The following MYO7B variants were observed in gnomAD, a reference collection of about 807,000 sequenced individuals.
MYO7B encodes unconventional myosin-VIIb.
Under a neutral mutation model 259.7 loss-of-function variants are expected in MYO7B, and 212 were observed. The ratio of observed to expected loss-of-function variants is 0.82; its 90% CI spans 0.73 to 0.91. The LOEUF is 0.91. MYO7B is among the 40% of genes least tolerant of loss of function. The probability of loss-of-function intolerance (pLI) is 0.00; values close to 1 mark genes in which losing one functional copy is unlikely to be tolerated. For synonymous variants in MYO7B, 1,197 were observed against 1,166.4 expected (o/e 1.03, Z -0.54); for missense variants, 2,732 against 2,813.5 (o/e 0.97, Z 0.66).
chr2:127,608,934 C>T, intron 22 of MYO7B, 56 bp downstream of exon 22: 2 of 1,560,294 alleles, frequency 1.3e-6, no homozygotes, highest in South Asian at 1.2e-5. Flanking sequence ...GAAGCCTGCC[C>T]AGTCCGTGAA....
In MYO7B at chr2:127,621,990, G is replaced by T; in HGVS notation, c.3534G>T (p.Leu1178=). 6.4e-7 allele frequency: 1 copy of T among 1,551,760 alleles called. No homozygotes were observed. Among genetic ancestry groups the T allele is most frequent in the South Asian group, 1.2e-5 (1 of 84,042 alleles). ...CCCTCCTCACCCACCAGTATCTACT[G>T]AACTTCATCGGCCAAGGGCCGGCGA... ...PPSERFMKYL[L]NFIGQGPATY... The change falls in exon 28 of 48, where the codon CTG becomes CTT. Residue 1178 remains leucine (L), a synonymous_variant. Transcript: ENST00000409816.
intron 1 of MYO7B, among the ~76,000 whole-genome samples, chr2:127,542,901 A>T (rs1002518582): frequency 2.0e-5 from 3 of 152,234 alleles, no homozygotes; most frequent in African/African-American, 7.2e-5. Context: ...TTTAATGTGC[A>T]CATACACAAA....
At chr2:127,538,024 A>T (rs2104779849) in intron 1 of MYO7B, among the ~76,000 whole-genome samples, 1 of 152,168 alleles carries the variant, frequency 6.6e-6, no homozygotes, top group Admixed American at 6.5e-5. Flanking sequence ...AGGAAAAGTG[A>T]CCCATGTACA....
Position 127,588,513 on chromosome 2 carries a change from T to C in MYO7B, c.1812T>C (p.His604=), listed in dbSNP as rs1679391516. 3 of 1,613,232 alleles carry C rather than the reference T, an allele frequency of 1.9e-6. No individual in the cohort carries two copies. Among genetic ancestry groups the C allele is most frequent in the East Asian group, 4.5e-5 (2 of 44,886 alleles). ...NLELAETKLG[H]GTIRQAKAGN... Reference sequence around the variant, plus strand: ...AGTTAGCAGAGACCAAGCTGGGCCATGGGACCATCCGCCAGGCAAAGGCAG... The same window carrying C: ...AGTTAGCAGAGACCAAGCTGGGCCACGGGACCATCCGCCAGGCAAAGGCAG... The change falls in exon 15 of 48, where the codon CAT becomes CAC. Residue 604 remains histidine, a synonymous_variant. Coordinates refer to ENST00000409816, the MANE Select transcript of MYO7B (RefSeq NM_001393586.1).
In MYO7B at chr2:127,636,865, G is replaced by A. The variant is rs376669134; in HGVS notation, c.6279G>A (p.Ala2093=). ...GCGGCAGCACCTACTTCCACATGGCGCTGGGGAGCCTGGGCCGTGGCAGCC... is the reference window on the plus strand; with the variant it reads ...GCGGCAGCACCTACTTCCACATGGCACTGGGGAGCCTGGGCCGTGGCAGCC... ...WSSGSTYFHM[A]LGSLGRGSRL... The change falls in exon 47 of 48, where the codon GCG becomes GCA. Residue 2093 remains alanine, a synonymous_variant. Transcript: ENST00000409816. The surrounding 1 kb of genome is among the most constrained non-coding windows in gnomAD (Gnocchi z 4.5). 45 of 1,613,354 alleles carry A rather than the reference G, an allele frequency of 2.8e-5. No individual in the cohort carries two copies. In the East Asian group the frequency reaches 3.1e-4, roughly 11 times the overall value.
chr2:127,609,818 T>C lies in MYO7B; in HGVS notation c.3025-31T>C. On this transcript the variant is annotated intron_variant, in intron 23 of 47. Coordinates refer to ENST00000409816, the MANE Select transcript of MYO7B (RefSeq NM_001393586.1). The surrounding 1 kb of genome is among the most constrained non-coding windows in gnomAD (Gnocchi z 6.9). The stretch of plus-strand genomic sequence containing the variant: ...GAAGGGGCCATAGTCACTGATGGGT[T>C]CCCACTGGGCCTTCTGTCTTGTTTC... 6.2e-7 allele frequency: 1 copy of C among 1,613,220 alleles called. No individual in the cohort carries two copies. Among genetic ancestry groups the C allele is most frequent in the Non-Finnish European group, 8.5e-7 (1 of 1,179,288 alleles).
intron 14 of MYO7B, among the ~76,000 whole-genome samples, chr2:127,587,452 C>T (rs1416555807): frequency 3.3e-5 from 5 of 152,110 alleles, no homozygotes; most frequent in Admixed American, 1.3e-4. Flanking sequence ...CAGGTTTGAT[C>T]CCTTCTGAGG....
chr2:127,542,643 G>C (rs959114417), intron 1 of MYO7B, among the ~76,000 whole-genome samples: 3 of 152,226 alleles, frequency 2.0e-5, no homozygotes, highest in Non-Finnish European at 4.4e-5. Flanking sequence ...ACTGAGAAAA[G>C]AAAGAGACAC....
chr2:127,625,502 G>C lies in MYO7B; in HGVS notation c.4182G>C (p.Arg1394Ser). The C allele has an allele frequency of 6.2e-7, 1 of 1,608,666 alleles. No homozygotes were observed. Among genetic ancestry groups the C allele is most frequent in the Non-Finnish European group, 8.5e-7 (1 of 1,177,962 alleles). Residue 1394 changes from arginine to serine, a missense_variant, in exon 31 of 48, where the codon AGG becomes AGC. Transcript: ENST00000409816. ...TGTACAGGACCAAGCCCCCAGACAG[G>C]TGGGCGAGCCTCGTCACTGCCGCCT... ...HKLYRTKPPD[R>S]WASLVTAACA...
rs1679236267 is a variant in MYO7B at position 127,584,766 on chromosome 2, G to A, written c.1555-12G>A. 6.2e-7 allele frequency: 1 copy of A among 1,613,456 alleles called. No individual in the cohort carries two copies. Among genetic ancestry groups the A allele is most frequent in the Non-Finnish European group, 8.5e-7 (1 of 1,179,688 alleles). The stretch of plus-strand genomic sequence containing the variant: ...TGGGACCTCAGCCCACAGGGTGTCT[G>A]GGTTCTTCCAGGGGACAGATCTCAC... On this transcript the variant is annotated splice_polypyrimidine_tract_variant and intron_variant, in intron 13 of 47. Coordinates refer to ENST00000409816, the MANE Select transcript of MYO7B (RefSeq NM_001393586.1). The surrounding 1 kb of genome is among the most constrained non-coding windows in gnomAD (Gnocchi z 5.8).
chr2:127,588,306 G>A, intron 14 of MYO7B, 86 bp from the exon 15 acceptor site: 1 of 1,487,422 alleles, frequency 6.7e-7, no homozygotes, highest in South Asian at 1.3e-5. Context: ...CACGCATCCT[G>A]TATTCCCCCA....
intron 1 of MYO7B, among the ~76,000 whole-genome samples, chr2:127,550,048 A>G (rs1378164208): frequency 6.6e-6 from 1 of 152,196 alleles, no homozygotes; most frequent in African/African-American, 2.4e-5. Context: ...TAATTTTGGC[A>G]TTAGAGAAGA....
At chr2:127,574,269 G>A (rs771840543) in intron 7 of MYO7B, among the ~76,000 whole-genome samples, 15 of 152,152 alleles carry the variant, frequency 9.9e-5, no homozygotes, top group Non-Finnish European at 1.8e-4. Context: ...GCTTGGTGGC[G>A]CACGCCTCTA....
rs368029738 is a variant in MYO7B, at chr2:127,629,717, C to T, written c.4697C>T (p.Ser1566Phe). 15 of 1,612,316 alleles carry T rather than the reference C, an allele frequency of 9.3e-6. No individual in the cohort carries two copies. Among genetic ancestry groups the T allele is most frequent in the Non-Finnish European group, 1.3e-5 (15 of 1,179,542 alleles). The stretch of plus-strand genomic sequence containing the variant: ...ACAAAGAAGCAGGGGCTGCTGGCCT[C>T]TGAGAACTGGACCCTCGGCCAGAAC... ...VLTKKQGLLASENWTLGQNDR... is the reference protein window; with the variant it reads ...VLTKKQGLLAFENWTLGQNDR... The change falls in exon 35 of 48, where the codon TCT (serine) becomes TTT (phenylalanine). Residue 1566 changes from serine to phenylalanine, a missense_variant. Transcript: ENST00000409816.
rs1296757938 is a variant in MYO7B, at chr2:127,566,667, G to A, written c.310G>A (p.Ala104Thr). The A allele has an allele frequency of 1.3e-6, 2 of 1,597,174 alleles. No homozygotes were observed. Among genetic ancestry groups the A allele is most frequent in the Non-Finnish European group, 8.5e-7 (1 of 1,172,956 alleles). Residue 104 changes from alanine (A) to threonine (T), a missense_variant, in exon 5 of 48, where the codon GCC (alanine) becomes ACC (threonine). Ala to Thr is a moderately conservative substitution (Grantham distance 58). This residue lies in a region of MYO7B where 1,906 missense variants were observed against 2,026.4 expected (regional missense o/e 0.94). Coordinates refer to ENST00000409816, the MANE Select transcript of MYO7B (RefSeq NM_001393586.1). ...IYTYTGSILV[A>T]VNPFQVLPLY... The stretch of plus-strand genomic sequence containing the variant: ...GACATACACAGGCTCCATCCTGGTG[G>A]CCGTCAACCCGTTCCAGGTGCTGCC...
chr2:127,545,128 T>C (rs1693172046), intron 1 of MYO7B, among the ~76,000 whole-genome samples: 1 of 152,256 alleles, frequency 6.6e-6, no homozygotes, highest in African/African-American at 2.4e-5. Context: ...TGAGTTTTTG[T>C]TTGTTTCCAT....
intron 11 of MYO7B, 33 bp from the exon 12 acceptor site, chr2:127,582,271 G>C: frequency 8.1e-6 from 13 of 1,609,506 alleles, no homozygotes; most frequent in African/African-American, 1.3e-5. Context: ...GAGCCTCCAA[G>C]CCCAGGATTC....
chr2:127,602,935 G>A (rs1489962896), intron 19 of MYO7B, among the ~76,000 whole-genome samples: 1 of 151,544 alleles, frequency 6.6e-6, no homozygotes, highest in Non-Finnish European at 1.5e-5. Flanking sequence ...GGGAGGTGAA[G>A]GTTACAGTAA....
rs1230302288 is a variant in MYO7B, at chr2:127,590,575, C to CA, written c.1992+347dup. Among the ~76,000 whole-genome samples, 4 of 152,200 alleles carry CA rather than the reference C, an allele frequency of 2.6e-5. No homozygotes were observed. In the South Asian group the frequency reaches 6.2e-4, roughly 24 times the overall value. ...CACTGAGGGTTGGACATGAGGTTTG[C>CA]AGTACATGTCCCATATGTAAACCAC... On this transcript the variant is annotated intron_variant, in intron 16 of 47. Coordinates refer to ENST00000409816, the MANE Select transcript of MYO7B (RefSeq NM_001393586.1). This position sits in a 1 kb window ranked among gnomAD's most constrained non-coding sequence, Gnocchi z 4.6.
Sources: allele counts gnomAD v4.1 joint callset (sites outside exome capture counted in the v4.1 genomes callset), GRCh38; gene constraint gnomAD v4.1.1; regional missense constraint gnomAD v4.1.1; non-coding constraint Gnocchi (gnomAD v3.1); transcripts MANE v1.5; gene names NCBI Gene and HGNC (gene_info 2026-07-23, HGNC 2026-07-21).